Variants in IARS1 observed in about 807,000 individuals in gnomAD.
IARS1 encodes isoleucyl-tRNA synthetase 1, also known as isoleucine--tRNA ligase, cytoplasmic.
IARS1 carries 124 observed loss-of-function variants against 168.2 expected under a neutral mutation model. The ratio of observed to expected loss-of-function variants is 0.74; its 90% CI spans 0.64 to 0.86. The LOEUF (loss-of-function observed/expected upper bound fraction) is 0.86. Among genes scored for constraint, IARS1 ranks in the 40% least tolerant of loss-of-function variants. The pLI is 0.00. For missense variants in IARS1, 1,452 were observed against 1,515.8 expected (o/e 0.96, Z 0.70); for synonymous variants, 532 against 529.4 (o/e 1.00, Z -0.07).
At chr9:92,286,749 C>G in intron 4 of IARS1, 131 bp from the exon 5 acceptor site, 2 of 551,386 alleles carry the variant, frequency 3.6e-6, no homozygotes, top group South Asian at 5.5e-5. Flanking sequence ...ACAAGTAAAT[C>G]TATACTGCCA....
Position 92,265,045 on chromosome 9 carries a change from A to G in IARS1, c.1584T>C (p.Phe528=), listed in dbSNP as rs143865984. Residue 528 remains phenylalanine (F), a synonymous_variant, in exon 16 of 34, where the codon TTT becomes TTC. Transcript: ENST00000443024. ...HRISEVFDCW[F]ESGSMPYAQV... is the part of the protein sequence containing the mutation. ...GAGCATAGGGCATGCTGCCACTCTC[A>G]AACCAACAGTCAAACACTTCAGAGA... is the stretch of plus-strand genomic sequence containing the variant. 2.5e-6 allele frequency: 4 copies of G among 1,614,026 alleles called. No homozygotes were observed. The highest frequency in any genetic ancestry group is 2.7e-5 in the African/African-American group (2 of 74,936).
At chr9:92,272,882 A>C (rs1411003129) in intron 10 of IARS1, among the ~76,000 whole-genome samples, 1 of 151,648 alleles carries the variant, frequency 6.6e-6, no homozygotes, top group African/African-American at 2.4e-5. Context: ...AAAAAAAAAA[A>C]AAAAATTTAC....
At chr9:92,226,369 G>A (rs1424542119) in intron 31 of IARS1, among the ~76,000 whole-genome samples, 1 of 152,184 alleles carries the variant, frequency 6.6e-6, no homozygotes, top group Admixed American at 6.6e-5. Flanking sequence ...GCAGTTAATA[G>A]TACCTCACTG....
intron 33 of IARS1, among the ~76,000 whole-genome samples, chr9:92,217,290 T>G (rs1406281473): frequency 1.9e-3 from 281 of 149,070 alleles, no homozygotes; most frequent in Non-Finnish European, 3.4e-3. Flanking sequence ...AGAGGGAAAT[T>G]TATAGCACTA....
At chr9:92,290,402 G>A (rs1204919111) in intron 1 of IARS1, among the ~76,000 whole-genome samples, 1 of 152,040 alleles carries the variant, frequency 6.6e-6, no homozygotes, top group Non-Finnish European at 1.5e-5. Flanking sequence ...CTCTTTTTGT[G>A]GTTGGGTTTT....
intron 11 of IARS1, among the ~76,000 whole-genome samples, 156 bp from the exon 12 acceptor site, chr9:92,271,232 A>C (rs1391716683): frequency 6.6e-6 from 1 of 152,220 alleles, no homozygotes. Context: ...TTTCAAGTAC[A>C]TTCCACAACA....
At chr9:92,247,951 T>G (rs897372838) in intron 25 of IARS1, among the ~76,000 whole-genome samples, 7 of 152,258 alleles carry the variant, frequency 4.6e-5, no homozygotes, top group Non-Finnish European at 7.3e-5. Flanking sequence ...ATACTGGCTT[T>G]CTTTCTGGGA....
At chr9:92,253,975 T>C in intron 20 of IARS1, 1 of 436,044 alleles carries the variant, frequency 2.3e-6, no homozygotes, top group Non-Finnish European at 4.6e-6. Context: ...ATTTTGCTTG[T>C]CACAACTTGG....
rs1368232537 is a variant in IARS1, at chr9:92,272,868, A to C, written c.991-1213T>G. 2.9e-3 allele frequency among the ~76,000 whole-genome samples: 431 copies of C among 147,152 alleles called. 2 individuals carry two copies. Among genetic ancestry groups the C allele is most frequent in the Middle Eastern group, 0.017 (5 of 290 alleles). ...TCTGTCTCAAACAAAACAAAACAAA[A>C]AAAAAAAAAAAAAAAAAAATTTACC... On this transcript the variant is annotated intron_variant, in intron 10 of 33. Transcript: ENST00000443024.
intron 33 of IARS1, among the ~76,000 whole-genome samples, chr9:92,215,541 G>A (rs918667558): frequency 6.6e-6 from 1 of 151,696 alleles, no homozygotes; most frequent in African/African-American, 2.4e-5. Flanking sequence ...TTAGAAGAAT[G>A]TATAACTAGA....
chr9:92,283,367 G>A (rs889675252), intron 6 of IARS1, among the ~76,000 whole-genome samples: 5 of 152,220 alleles, frequency 3.3e-5, no homozygotes, highest in Non-Finnish European at 7.3e-5. Context: ...TCACCTGGGC[G>A]TGGTGGCTCA....
At chr9:92,277,422 C>T (rs1833918849) in intron 9 of IARS1, among the ~76,000 whole-genome samples, 1 of 151,942 alleles carries the variant, frequency 6.6e-6, no homozygotes. Flanking sequence ...AAAACAACAA[C>T]AACAAAAAAT....
intron 1 of IARS1, among the ~76,000 whole-genome samples, chr9:92,290,966 T>C (rs901019010): frequency 1.3e-5 from 2 of 152,202 alleles, no homozygotes; most frequent in Non-Finnish European, 2.9e-5. Flanking sequence ...ATTCCAGTTT[T>C]CCATTTTACC....
intron 25 of IARS1, 79 bp downstream of exon 25, chr9:92,249,779 A>G (rs1829742767): frequency 1.4e-6 from 1 of 707,844 alleles, no homozygotes; most frequent in Non-Finnish European, 2.4e-6. Flanking sequence ...TATAGAGTCA[A>G]TATGTACTTT....
chr9:92,213,017 G>A (rs562728399), intron 33 of IARS1, among the ~76,000 whole-genome samples: 1 of 152,152 alleles, frequency 6.6e-6, no homozygotes, highest in East Asian at 1.9e-4. Flanking sequence ...AAACGACAAA[G>A]GAGAGTCACT....
intron 31 of IARS1, among the ~76,000 whole-genome samples, chr9:92,226,335 C>G (rs776310389): frequency 6.6e-6 from 1 of 152,184 alleles, no homozygotes. Context: ...CTGCCAGATT[C>G]TTCTAGTTTT....
rs1830280620 is a variant in IARS1 at position 92,253,383 on chromosome 9, T to G, written c.2208A>C (p.Arg736Ser). ...TTACCTTTAATCTTCTGCGGTTCAT[T>G]CTAACATACCAATTGGTCAGAATAT... is the stretch of plus-strand genomic sequence containing the variant. ...FVDILTNWYV[R>S]MNRRRLKGEN... Residue 736 changes from arginine to serine, a missense_variant, in exon 21 of 34, where the codon AGA (arginine) becomes AGC (serine). Arg to Ser is a moderately radical substitution (Grantham distance 110). Transcript: ENST00000443024. 2.5e-6 allele frequency: 4 copies of G among 1,613,020 alleles called. No individual in the cohort carries two copies. The highest frequency in any genetic ancestry group is 1.3e-5 in the African/African-American group (1 of 74,914).
chr9:92,236,395 C>T (rs1188134867), intron 30 of IARS1, among the ~76,000 whole-genome samples: 1 of 149,550 alleles, frequency 6.7e-6, no homozygotes, highest in Non-Finnish European at 1.5e-5. Context: ...CTGTGTACAA[C>T]TGGTGTTAAT....
chr9:92,278,040 T>A, intron 8 of IARS1, 117 bp from the exon 9 acceptor site: 2 of 1,104,668 alleles, frequency 1.8e-6, no homozygotes, highest in Non-Finnish European at 2.7e-6. Context: ...CCATTCATGC[T>A]GTAATGTGTG....
Sources: gnomAD v4.1 joint callset for allele counts (sites outside exome capture counted in the v4.1 genomes callset) on GRCh38, gnomAD v4.1.1 for gene constraint, MANE v1.5 for transcripts, NCBI Gene and HGNC (gene_info 2026-07-23, HGNC 2026-07-21) for gene names.